TSPEAR: variants seen among roughly 807,000 people sequenced by gnomAD.
TSPEAR encodes thrombospondin type laminin G domain and EAR repeats, also known as thrombospondin-type laminin G domain and EAR repeat-containing protein.
TSPEAR carries 69 observed loss-of-function variants against 71.6 expected under a neutral mutation model. The ratio of observed to expected loss-of-function variants is 0.96; its 90% CI spans 0.79 to 1.18. The LOEUF (loss-of-function observed/expected upper bound fraction) is 1.18. Ranked by LOEUF, TSPEAR falls within the 50% of genes most tolerant of loss-of-function variation. The pLI is 0.00. For synonymous variants in TSPEAR, 402 were observed against 387.2 expected (o/e 1.04, Z -0.45); for missense variants, 971 against 894.9 (o/e 1.09, Z -1.09).
At chr21:44,679,485 C>T (rs782785063) in intron 1 of TSPEAR, among the ~76,000 whole-genome samples, 3 of 152,158 alleles carry the variant, frequency 2.0e-5, no homozygotes, top group Non-Finnish European at 4.4e-5. Context: ...AAGCAATCAA[C>T]AGACTCAATG....
At chr21:44,595,095 T>A (rs1363258318) in intron 1 of TSPEAR, among the ~76,000 whole-genome samples, 2 of 152,202 alleles carry the variant, frequency 1.3e-5, no homozygotes, top group Non-Finnish European at 2.9e-5. Context: ...CATGCTAGGA[T>A]TACAGGCCTG....
At chr21:44,535,717 C>G (rs781897285) in intron 2 of TSPEAR, among the ~76,000 whole-genome samples, 1 of 152,226 alleles carries the variant, frequency 6.6e-6, no homozygotes, top group East Asian at 1.9e-4. Context: ...CAGGTGCACA[C>G]CACCACACCC....
chr21:44,580,616 G>A, intron 1 of TSPEAR: 4 of 1,580,466 alleles, frequency 2.5e-6, no homozygotes, highest in Non-Finnish European at 2.6e-6. Flanking sequence ...AGCTGGGGGA[G>A]GTGTGAGTGA....
At chr21:44,508,862 G>T (rs1194251263) in intron 10 of TSPEAR, 1 of 1,418,358 alleles carries the variant, frequency 7.1e-7, no homozygotes, top group African/African-American at 1.4e-5. Flanking sequence ...TCCCTCTGGG[G>T]CCTCGGCTAT....
chr21:44,602,538 C>T (rs150598590), intron 1 of TSPEAR, among the ~76,000 whole-genome samples: 2,256 of 152,294 alleles, frequency 0.015, 53 homozygotes, highest in African/African-American at 0.052. Context: ...CCTTGGCTGG[C>T]GTCTGGGAAC....
chr21:44,677,504 TG>T, intron 1 of TSPEAR: 1 of 820,594 alleles, frequency 1.2e-6, no homozygotes, highest in African/African-American at 1.7e-5. Flanking sequence ...TTTCCTCTTG[TG>T]CAAGGCAAGC....
chr21:44,563,905 CA>C (rs1344889777), intron 2 of TSPEAR, among the ~76,000 whole-genome samples: 1 of 152,208 alleles, frequency 6.6e-6, no homozygotes, highest in Non-Finnish European at 1.5e-5. Flanking sequence ...GCTTCTCTAA[CA>C]TACATATTTT....
At chr21:44,579,604 G>T in intron 1 of TSPEAR, 2 of 928,124 alleles carry the variant, frequency 2.2e-6, no homozygotes, top group Non-Finnish European at 3.2e-6. Context: ...GAGCTGGGGA[G>T]CTTCGAGGAT....
At chr21:44,513,981 C>T (rs2052476770) in intron 9 of TSPEAR, among the ~76,000 whole-genome samples, 1 of 152,164 alleles carries the variant, frequency 6.6e-6, no homozygotes, top group Non-Finnish European at 1.5e-5. Flanking sequence ...CCCCAGCCAA[C>T]TCTTGGGTGC....
intron 1 of TSPEAR, among the ~76,000 whole-genome samples, chr21:44,605,371 A>G (rs1555929661): frequency 6.6e-6 from 1 of 152,240 alleles, no homozygotes; most frequent in Non-Finnish European, 1.5e-5. Context: ...TAAAATGTCC[A>G]TACTACCTAA....
chr21:44,568,120 C>G lies in TSPEAR; in HGVS notation c.83-115G>C, dbSNP rs2053727404. The G allele has an allele frequency of 7.8e-6, 5 of 637,030 alleles. No homozygotes were observed. The Admixed American group carries it at 1.5e-4, about 20-fold the overall frequency. The allele number at this position is 637,030 out of a possible 1,614,324, so 39.5% of individuals were successfully genotyped here. ...GCAGGCACTTTACATAGCACTATAG[C>G]CCCTATGAGCTGTGAACCAAGGTTA... On this transcript the variant is annotated intron_variant, in intron 1 of 11. Transcript: ENST00000323084.
chr21:44,710,489 T>C lies in TSPEAR; in HGVS notation c.82+944A>G, dbSNP rs1555953387. 6.8e-6 allele frequency among the ~76,000 whole-genome samples: 1 copy of C among 147,714 alleles called. No homozygotes were observed. Among genetic ancestry groups the C allele is most frequent in the Admixed American group, 6.7e-5 (1 of 14,926 alleles). ...GGTGATCGTGCTCATCCCCTGGTCA[T>C]GTCATCGGGATCTGAGTGCCATCCG... On this transcript the variant is annotated intron_variant, in intron 1 of 11. Coordinates refer to ENST00000323084, the MANE Select transcript of TSPEAR (RefSeq NM_144991.3). The surrounding 1 kb of genome is among the most constrained non-coding windows in gnomAD (Gnocchi z 4.6).
chr21:44,629,170 C>T (rs1349346046), intron 1 of TSPEAR, among the ~76,000 whole-genome samples: 2 of 152,212 alleles, frequency 1.3e-5, no homozygotes, highest in Non-Finnish European at 2.9e-5. Flanking sequence ...CCACTCTTCT[C>T]GCCTTAGGAG....
intron 1 of TSPEAR, among the ~76,000 whole-genome samples, chr21:44,588,583 T>C (rs1555925959): frequency 6.6e-6 from 1 of 151,430 alleles, no homozygotes. Flanking sequence ...TCACGCATGT[T>C]TATAGCAGCA....
intron 1 of TSPEAR, among the ~76,000 whole-genome samples, chr21:44,704,850 G>T (rs7281839): frequency 0.28 from 42,476 of 151,960 alleles, 6,185 homozygotes; most frequent in South Asian, 0.42. Context: ...CGCCATCCAC[G>T]GACCCTGGAT....
At chr21:44,528,711 G>A (rs2052906766) in intron 5 of TSPEAR, 128 bp from the exon 6 acceptor site, 8 of 1,249,482 alleles carry the variant, frequency 6.4e-6, no homozygotes, top group Admixed American at 2.8e-5. Flanking sequence ...AAGGGCCCCT[G>A]CAGGCACCTT....
At chr21:44,696,352 T>C (rs1987333838) in intron 1 of TSPEAR, among the ~76,000 whole-genome samples, 1 of 152,224 alleles carries the variant, frequency 6.6e-6, no homozygotes. Flanking sequence ...GCTAAGAACA[T>C]AGAATACGGG....
intron 1 of TSPEAR, among the ~76,000 whole-genome samples, chr21:44,644,048 T>C (rs1310663655): frequency 6.6e-6 from 1 of 152,218 alleles, no homozygotes; most frequent in East Asian, 1.9e-4. Context: ...CCCTCCAGAC[T>C]CACATCCCCT....
At chr21:44,655,957 G>T (rs1985119673) in intron 1 of TSPEAR, among the ~76,000 whole-genome samples, 1 of 152,136 alleles carries the variant, frequency 6.6e-6, no homozygotes, top group African/African-American at 2.4e-5. Flanking sequence ...TCCCCTCCAA[G>T]GCTGAAGACC....
Sources: gnomAD v4.1 joint callset for allele counts (sites outside exome capture counted in the v4.1 genomes callset) on GRCh38, gnomAD v4.1.1 for gene constraint, Gnocchi (gnomAD v3.1) non-coding constraint, MANE v1.5 for transcripts, NCBI Gene and HGNC (gene_info 2026-07-23, HGNC 2026-07-21) for gene names.